Variants in SLC9C2 observed in about 807,000 individuals in gnomAD.
SLC9C2 encodes the protein sodium/hydrogen exchanger 11.
Under a neutral mutation model 140.2 loss-of-function variants are expected in SLC9C2, and 75 were observed. That is an observed-to-expected ratio of 0.53 (90% confidence interval 0.44 to 0.65). The LOEUF is 0.65. Among genes scored for constraint, SLC9C2 ranks in the 30% least tolerant of loss-of-function variants. SLC9C2 has a pLI of 0.00. For synonymous variants in SLC9C2, 375 were observed against 420.9 expected (o/e 0.89, Z 1.34); for missense variants, 1,074 against 1,331.8 (o/e 0.81, Z 3.01).
intron 11 of SLC9C2, among the ~76,000 whole-genome samples, chr1:173,550,463 G>A (rs115886751): frequency 0.22 from 31,773 of 144,020 alleles, 4,343 homozygotes; most frequent in East Asian, 0.64. Flanking sequence ...TTTTTGAGGA[G>A]GAGTTTCACT....
intron 8 of SLC9C2, among the ~76,000 whole-genome samples, chr1:173,575,597 G>A (rs1665123249): frequency 6.6e-6 from 1 of 152,012 alleles, no homozygotes; most frequent in African/African-American, 2.4e-5. Flanking sequence ...TGTTTTTTGA[G>A]ACAGAGTCTC....
rs545768546 is a variant in SLC9C2 at position 173,557,815 on chromosome 1, G to A, written c.1047-307C>T. ...ATGCTCACAGGGAAACCTCTTCTAA[G>A]AATGCTGACAAGCTCATCTACTCCC... On this transcript the variant is annotated intron_variant, in intron 9 of 27. Coordinates refer to ENST00000367714, the MANE Select transcript of SLC9C2 (RefSeq NM_178527.4). Among the ~76,000 whole-genome samples, 4 of 152,254 alleles carry A rather than the reference G, an allele frequency of 2.6e-5. No individual in the cohort carries two copies. In the East Asian group the frequency reaches 7.7e-4, roughly 29 times the overall value.
At chr1:173,530,162 C>T (rs1039818965) in intron 17 of SLC9C2, 108 bp from the exon 18 acceptor site, 1 of 989,410 alleles carries the variant, frequency 1.0e-6, no homozygotes. Flanking sequence ...ACAGCAGAGC[C>T]CACAAACTTG....
intron 8 of SLC9C2, among the ~76,000 whole-genome samples, chr1:173,575,874 G>A (rs763842123): frequency 2.6e-5 from 4 of 151,980 alleles, no homozygotes; most frequent in Non-Finnish European, 4.4e-5. Context: ...CACCGTGCCC[G>A]GCCGCCCATG....
chr1:173,569,576 A>G (rs990018987), intron 9 of SLC9C2, among the ~76,000 whole-genome samples: 6 of 152,218 alleles, frequency 3.9e-5, no homozygotes, highest in Admixed American at 1.3e-4. Context: ...TTTAAGGCCA[A>G]TAACACTTAG....
At chr1:173,524,274 A>T (rs1320531557) in intron 20 of SLC9C2, among the ~76,000 whole-genome samples, 180 bp from the exon 21 acceptor site, 1 of 152,170 alleles carries the variant, frequency 6.6e-6, no homozygotes, top group Non-Finnish European at 1.5e-5. Flanking sequence ...GTCTCCCCTT[A>T]TTACTATTTT....
Position 173,548,458 on chromosome 1 carries a change from T to C in SLC9C2, c.1392A>G (p.Lys464=). The change falls in exon 12 of 28, where the codon AAA becomes AAG. Residue 464 remains lysine (K), a synonymous_variant. Coordinates refer to ENST00000367714, the MANE Select transcript of SLC9C2 (RefSeq NM_178527.4). ...EIVQNTITLF[K]TEKILTNVNW... ...TAACATTTGTCAAAATTTTTTCTGT[T>C]TTAAATAAAGTTATTGTGTTCTGTA... is the stretch of plus-strand genomic sequence containing the variant. The C allele has an allele frequency of 6.2e-7, 1 of 1,613,806 alleles. No individual in the cohort carries two copies. Among genetic ancestry groups the C allele is most frequent in the South Asian group, 1.1e-5 (1 of 91,050 alleles).
At chr1:173,538,367 C>A (rs1052815786) in intron 13 of SLC9C2, among the ~76,000 whole-genome samples, 1 of 152,104 alleles carries the variant, frequency 6.6e-6, no homozygotes, top group Admixed American at 6.6e-5. Flanking sequence ...AAGAAGTAGG[C>A]CTGGATCAAG....
chr1:173,538,932 C>T (rs1389886725), intron 13 of SLC9C2, among the ~76,000 whole-genome samples: 2 of 152,130 alleles, frequency 1.3e-5, no homozygotes, highest in Non-Finnish European at 2.9e-5. Flanking sequence ...TGAGATACTC[C>T]TTCAACCCCA....
intron 4 of SLC9C2, among the ~76,000 whole-genome samples, chr1:173,588,445 A>G (rs10798290): frequency 0.4 from 61,001 of 151,990 alleles, 15,007 homozygotes; most frequent in East Asian, 0.68. Context: ...CTTATTTTCC[A>G]TCTCTGTCTT....
At chr1:173,545,429 T>G (rs1447797660) in intron 13 of SLC9C2, among the ~76,000 whole-genome samples, 1 of 152,230 alleles carries the variant, frequency 6.6e-6, no homozygotes, top group Non-Finnish European at 1.5e-5. Context: ...TTGGTATGTG[T>G]GCCCAGATGG....
At chr1:173,575,229 T>C (rs1665099962) in intron 8 of SLC9C2, among the ~76,000 whole-genome samples, 1 of 152,168 alleles carries the variant, frequency 6.6e-6, no homozygotes, top group African/African-American at 2.4e-5. Context: ...CTTTCTTATA[T>C]AAACATGTCT....
rs759605883 is a variant in SLC9C2, at chr1:173,530,007, C to A, written c.2211G>T (p.Lys737Asn). ...LIRIADVQIKKRLSLMYSITK... is the reference protein window; with the variant it reads ...LIRIADVQIKNRLSLMYSITK... ...TAATACTATACATCAAGCTGAGGCGCTTTTTGATCTGCACATCTGCAATTC... is the reference window on the plus strand; with the variant it reads ...TAATACTATACATCAAGCTGAGGCGATTTTTGATCTGCACATCTGCAATTC... The change falls in exon 18 of 28, where the codon AAG (lysine) becomes AAT (asparagine). Residue 737 changes from lysine (K) to asparagine (N), a missense_variant. Physicochemically the swap from Lys to Asn is moderately conservative, Grantham distance 94 (BLOSUM62 0). Transcript: ENST00000367714. 5.0e-6 allele frequency: 8 copies of A among 1,612,992 alleles called. No individual in the cohort carries two copies. The highest frequency in any genetic ancestry group is 4.2e-6 in the Non-Finnish European group (5 of 1,179,768).
intron 13 of SLC9C2, among the ~76,000 whole-genome samples, chr1:173,540,366 T>C (rs1213291031): frequency 6.6e-6 from 1 of 152,222 alleles, no homozygotes; most frequent in Non-Finnish European, 1.5e-5. Flanking sequence ...AATCATTGCT[T>C]TAAGCCACCA....
chr1:173,585,982 TA>T (rs920303719), intron 5 of SLC9C2, among the ~76,000 whole-genome samples: 3 of 148,714 alleles, frequency 2.0e-5, no homozygotes, highest in Non-Finnish European at 3.0e-5. Flanking sequence ...AATAAAAAAA[TA>T]AAAAAAAAGA....
chr1:173,518,183 A>G (rs1353815281), intron 22 of SLC9C2, among the ~76,000 whole-genome samples: 1 of 151,962 alleles, frequency 6.6e-6, no homozygotes, highest in Non-Finnish European at 1.5e-5. Flanking sequence ...GGATCATTTG[A>G]ACCCAGGAGG....
intron 4 of SLC9C2, chr1:173,596,810 T>A (rs1020741036): frequency 6.6e-6 from 1 of 152,046 alleles, no homozygotes; most frequent in African/African-American, 2.4e-5. Context: ...ATTTTACACA[T>A]AAAATTGATT....
chr1:173,569,166 C>G (rs766690963), intron 9 of SLC9C2, among the ~76,000 whole-genome samples: 6 of 152,052 alleles, frequency 3.9e-5, no homozygotes, highest in Admixed American at 3.3e-4. Flanking sequence ...ACCGAAAAGT[C>G]TGCTGCCAGA....
At chr1:173,514,805 A>G (rs1660304608) in intron 23 of SLC9C2, among the ~76,000 whole-genome samples, 1 of 152,042 alleles carries the variant, frequency 6.6e-6, no homozygotes, top group Admixed American at 6.5e-5. Context: ...GTTCCTTTCC[A>G]TATTTAGTGC....
Sources: allele counts gnomAD v4.1 joint callset (sites outside exome capture counted in the v4.1 genomes callset), GRCh38; gene constraint gnomAD v4.1.1; transcripts MANE v1.5; gene names NCBI Gene and HGNC (gene_info 2026-07-23, HGNC 2026-07-21).